ANO3: variants seen among roughly 807,000 people sequenced by gnomAD.
ANO3 encodes anoctamin 3.
In ANO3, 99 loss-of-function variants were observed where a neutral mutation model predicts 144.8. The ratio of observed to expected loss-of-function variants is 0.68; its 90% CI spans 0.58 to 0.81. The LOEUF (loss-of-function observed/expected upper bound fraction) is 0.81, where lower values mean the gene tolerates loss of function less well. Ranked by LOEUF, ANO3 falls within the 30% of genes least tolerant of loss-of-function variation. ANO3 has a pLI of 0.00. For synonymous variants in ANO3, 414 were observed against 392.6 expected (o/e 1.05, Z -0.64); for missense variants, 905 against 1,202.2 (o/e 0.75, Z 3.66).
At chr11:26,516,196 A>G (rs968102571) in intron 5 of ANO3, among the ~76,000 whole-genome samples, 1 of 151,846 alleles carries the variant, frequency 6.6e-6, no homozygotes, top group Non-Finnish European at 1.5e-5. Flanking sequence ...ATCCTTATGC[A>G]TACTTGACTC....
chr11:26,283,341 T>C (rs796386549), intron 1 of ANO3, among the ~76,000 whole-genome samples: 2,858 of 87,062 alleles, frequency 0.033, 283 homozygotes, highest in East Asian at 0.15. Context: ...TATATATATA[T>C]ATATATATAT....
intron 1 of ANO3, among the ~76,000 whole-genome samples, chr11:26,227,646 C>T (rs569902540): frequency 5.8e-4 from 88 of 152,194 alleles, no homozygotes; most frequent in African/African-American, 2.0e-3. Context: ...ACTACATAAT[C>T]GAGAGTGACA....
At chr11:26,549,241 C>G (rs1038617222) in intron 12 of ANO3, among the ~76,000 whole-genome samples, 2 of 151,990 alleles carry the variant, frequency 1.3e-5, no homozygotes, top group African/African-American at 4.8e-5. Flanking sequence ...CATTAGTAAA[C>G]TCTTTTCTTC....
intron 1 of ANO3, among the ~76,000 whole-genome samples, chr11:26,361,860 T>C (rs1467953826): frequency 6.6e-6 from 1 of 152,194 alleles, no homozygotes; most frequent in African/African-American, 2.4e-5. Flanking sequence ...AACCCTGTTC[T>C]AGACTTCTAA....
At chr11:26,409,545 GACA>G (rs1857379074) in intron 1 of ANO3, among the ~76,000 whole-genome samples, 1 of 151,812 alleles carries the variant, frequency 6.6e-6, no homozygotes, top group Non-Finnish European at 1.5e-5. Flanking sequence ...AAATTGAAGG[GACA>G]ACAATTACAT....
At chr11:26,422,313 C>T (rs1473626724) in intron 1 of ANO3, among the ~76,000 whole-genome samples, 10 of 151,942 alleles carry the variant, frequency 6.6e-5, no homozygotes. Flanking sequence ...GTTAAGAACT[C>T]CGTATCAGCA....
intron 1 of ANO3, among the ~76,000 whole-genome samples, chr11:26,339,354 C>T (rs1337422152): frequency 4.6e-5 from 7 of 152,076 alleles, no homozygotes; most frequent in Non-Finnish European, 8.8e-5. Context: ...GGGATTTCAC[C>T]ATGTTGGCCA....
At chr11:26,234,611 T>C (rs762770001) in intron 1 of ANO3, among the ~76,000 whole-genome samples, 4 of 152,204 alleles carry the variant, frequency 2.6e-5, no homozygotes, top group Non-Finnish European at 4.4e-5. Context: ...ATTCAACTTA[T>C]ATTGTCAATA....
intron 1 of ANO3, among the ~76,000 whole-genome samples, chr11:26,279,366 ATTG>A (rs1853627833): frequency 6.6e-6 from 1 of 152,136 alleles, no homozygotes; most frequent in South Asian, 2.1e-4. Flanking sequence ...TTGCTTTGCT[ATTG>A]TTGTTTTCAA....
At chr11:26,482,357 G>A (rs1860253711) in intron 4 of ANO3, among the ~76,000 whole-genome samples, 1 of 151,712 alleles carries the variant, frequency 6.6e-6, no homozygotes, top group Admixed American at 6.6e-5. Context: ...ATTTGGGACT[G>A]ATTTTGTTGA....
At chr11:26,325,988 T>A (rs892142658) in intron 1 of ANO3, among the ~76,000 whole-genome samples, 5 of 151,792 alleles carry the variant, frequency 3.3e-5, no homozygotes, top group Admixed American at 2.6e-4. Context: ...TGATCTAGAA[T>A]CCCAAAGCAA....
At chr11:26,232,102 T>A (rs1319075207) in intron 1 of ANO3, among the ~76,000 whole-genome samples, 1 of 152,210 alleles carries the variant, frequency 6.6e-6, no homozygotes, top group Non-Finnish European at 1.5e-5. Flanking sequence ...TGCCCCAATT[T>A]TCTTTCTAGG....
chr11:26,350,399 T>C (rs66925642), intron 1 of ANO3, among the ~76,000 whole-genome samples: 6,267 of 152,262 alleles, frequency 0.041, 191 homozygotes, highest in Middle Eastern at 0.071. Context: ...TTGCACATGA[T>C]CTATATTTTT....
chr11:26,406,445 A>T (rs1048919247), intron 1 of ANO3, among the ~76,000 whole-genome samples: 1 of 151,820 alleles, frequency 6.6e-6, no homozygotes, highest in Non-Finnish European at 1.5e-5. Flanking sequence ...ACTTTTAACA[A>T]TTTCACTGGG....
chr11:26,223,508 G>C (rs2133794609), intron 1 of ANO3, among the ~76,000 whole-genome samples: 1 of 149,638 alleles, frequency 6.7e-6, no homozygotes, highest in South Asian at 2.1e-4. Flanking sequence ...CTGTTACTCA[G>C]TTCCAAAGCC....
intron 14 of ANO3, among the ~76,000 whole-genome samples, chr11:26,579,868 C>A (rs1213567285): frequency 6.6e-6 from 1 of 151,910 alleles, no homozygotes; most frequent in Non-Finnish European, 1.5e-5. Context: ...AGTAAAAGAG[C>A]AATAGAACAG....
chr11:26,453,805 T>C (rs1274588160), intron 3 of ANO3, among the ~76,000 whole-genome samples: 2 of 151,856 alleles, frequency 1.3e-5, no homozygotes, highest in African/African-American at 2.4e-5. Flanking sequence ...CCACACCTAT[T>C]CCAAAATTGA....
intron 14 of ANO3, chr11:26,567,086 T>C (rs1166090296): frequency 6.7e-7 from 1 of 1,493,408 alleles, no homozygotes; most frequent in Non-Finnish European, 9.0e-7. Flanking sequence ...TAGATTGTAT[T>C]ATGCCCATTT....
At chr11:26,279,378 A>C (rs1448875379) in intron 1 of ANO3, among the ~76,000 whole-genome samples, 1 of 152,174 alleles carries the variant, frequency 6.6e-6, no homozygotes, top group Non-Finnish European at 1.5e-5. Context: ...TGTTGTTTTC[A>C]AGTCCATGAA....
Sources: gnomAD v4.1 joint callset for allele counts (sites outside exome capture counted in the v4.1 genomes callset) on GRCh38, gnomAD v4.1.1 for gene constraint, MANE v1.5 for transcripts, NCBI Gene and HGNC (gene_info 2026-07-23, HGNC 2026-07-21) for gene names.